The following SEMA3A variants were observed in gnomAD, a reference collection of about 807,000 sequenced individuals.
The protein encoded by SEMA3A is semaphorin-3A.
A neutral mutation model predicts 97.9 loss-of-function variants in SEMA3A; 29 were observed. That is an observed-to-expected ratio of 0.30 (90% CI 0.22 to 0.40). SEMA3A has a LOEUF of 0.40. Ranked by LOEUF, SEMA3A falls within the 10% of genes least tolerant of loss-of-function variation. SEMA3A has a pLI of 1.00. For missense variants in SEMA3A, 763 were observed against 951.3 expected, an observed-to-expected ratio of 0.80 and a Z score of 2.60; for synonymous variants, 321 against 323.7, an observed-to-expected ratio of 0.99 and a Z score of 0.09.
intron 11 of SEMA3A, among the ~76,000 whole-genome samples, chr7:84,002,340 TATA>T (rs1790493307): frequency 6.6e-6 from 1 of 152,166 alleles, no homozygotes; most frequent in African/African-American, 2.4e-5. Context: ...TTTTTTAAAA[TATA>T]ATAATTATTA....
intron 1 of SEMA3A, among the ~76,000 whole-genome samples, chr7:84,165,467 G>T (rs1379041323): frequency 6.6e-6 from 1 of 151,640 alleles, no homozygotes; most frequent in Non-Finnish European, 1.5e-5. Flanking sequence ...TGTTGGAAGA[G>T]AAAATCTTTT....
At chr7:84,483,466 T>C (rs1806495389) in intron 1 of SEMA3A, among the ~76,000 whole-genome samples, 1 of 152,206 alleles carries the variant, frequency 6.6e-6, no homozygotes, top group Admixed American at 6.5e-5. Flanking sequence ...TCTCTTGTTA[T>C]AAAAGATATC....
intron 1 of SEMA3A, among the ~76,000 whole-genome samples, chr7:84,408,655 A>G (rs1804174054): frequency 1.3e-5 from 2 of 152,062 alleles, no homozygotes; most frequent in African/African-American, 4.8e-5. Flanking sequence ...AATGTCCAAC[A>G]ATGATAGAGT....
At chr7:84,178,198 G>A (rs911473633) in intron 1 of SEMA3A, among the ~76,000 whole-genome samples, 12 of 151,922 alleles carry the variant, frequency 7.9e-5, no homozygotes, top group African/African-American at 1.5e-4. Flanking sequence ...TTGTTCCTTC[G>A]ATCCACAGCT....
intron 1 of SEMA3A, among the ~76,000 whole-genome samples, chr7:84,413,089 A>T (rs1804317088): frequency 1.3e-5 from 2 of 152,216 alleles, no homozygotes; most frequent in Admixed American, 1.3e-4. Context: ...TTTTCTATAC[A>T]TGCTTCTGGA....
chr7:84,339,256 T>C (rs1023259774), intron 2 of SEMA3A, among the ~76,000 whole-genome samples: 5 of 152,176 alleles, frequency 3.3e-5, no homozygotes, highest in Non-Finnish European at 7.4e-5. Flanking sequence ...TGGGGACTAA[T>C]AGAGGCACAA....
chr7:84,183,155 C>T (rs939988347), intron 1 of SEMA3A, among the ~76,000 whole-genome samples: 2 of 152,118 alleles, frequency 1.3e-5, no homozygotes, highest in Admixed American at 1.3e-4. Flanking sequence ...TCTATAACAG[C>T]TTCTGAGTGG....
chr7:84,484,158 AG>A (rs1806516650), intron 1 of SEMA3A, among the ~76,000 whole-genome samples: 1 of 152,152 alleles, frequency 6.6e-6, no homozygotes, highest in South Asian at 2.1e-4. Context: ...ATAATAATAT[AG>A]TACTAAAAAT....
At chr7:84,013,572 T>C (rs1300257344) in intron 7 of SEMA3A, among the ~76,000 whole-genome samples, 2 of 149,138 alleles carry the variant, frequency 1.3e-5, no homozygotes, top group African/African-American at 2.6e-5. Flanking sequence ...ACTTGCAAGG[T>C]AGGCCGGGTG....
intron 1 of SEMA3A, among the ~76,000 whole-genome samples, chr7:84,429,486 G>A (rs1397934322): frequency 8.5e-6 from 1 of 117,830 alleles, no homozygotes; most frequent in Non-Finnish European, 1.6e-5. Context: ...GTTAAATATT[G>A]ACTTTTGCAT....
chr7:84,131,416 C>T (rs903083981), intron 2 of SEMA3A, among the ~76,000 whole-genome samples: 1 of 152,004 alleles, frequency 6.6e-6, no homozygotes, highest in Non-Finnish European at 1.5e-5. Context: ...TGTACTTTTT[C>T]ATCCTTATGC....
chr7:84,099,723 C>T (rs1285909728), intron 4 of SEMA3A, among the ~76,000 whole-genome samples: 2 of 151,956 alleles, frequency 1.3e-5, no homozygotes, highest in Non-Finnish European at 2.9e-5. Context: ...TGAGATCTGG[C>T]TATTATTTAG....
intron 2 of SEMA3A, among the ~76,000 whole-genome samples, chr7:84,349,223 G>A (rs1180169407): frequency 6.6e-6 from 1 of 151,834 alleles, no homozygotes; most frequent in African/African-American, 2.4e-5. Context: ...TCGTCCCTTG[G>A]TAATACACCT....
chr7:84,046,781 A>C (rs1225179945), intron 5 of SEMA3A, among the ~76,000 whole-genome samples: 1 of 152,066 alleles, frequency 6.6e-6, no homozygotes, highest in African/African-American at 2.4e-5. Flanking sequence ...ACAAAATGGA[A>C]ACTACATTTA....
chr7:84,254,735 A>G (rs1799679002), intron 3 of SEMA3A, among the ~76,000 whole-genome samples: 1 of 152,202 alleles, frequency 6.6e-6, no homozygotes, highest in African/African-American at 2.4e-5. Context: ...CAGTCAAGAT[A>G]TGGAATTACC....
intron 13 of SEMA3A, among the ~76,000 whole-genome samples, chr7:83,982,002 T>G (rs1789433068): frequency 6.6e-6 from 1 of 152,070 alleles, no homozygotes; most frequent in African/African-American, 2.4e-5. Context: ...CCAAGAACTG[T>G]CTTACCCTTG....
intron 3 of SEMA3A, among the ~76,000 whole-genome samples, chr7:84,202,954 C>A (rs565462730): frequency 6.6e-6 from 1 of 152,032 alleles, no homozygotes; most frequent in African/African-American, 2.4e-5. Flanking sequence ...TTCATTAATT[C>A]CTGTGTTGTT....
intron 1 of SEMA3A, among the ~76,000 whole-genome samples, chr7:84,483,484 A>C (rs1336607358): frequency 2.0e-5 from 3 of 152,126 alleles, no homozygotes; most frequent in Non-Finnish European, 4.4e-5. Context: ...ATCATTTTTT[A>C]TAGAGAAGGA....
chr7:84,079,146 TG>T (rs1794060219), intron 4 of SEMA3A, among the ~76,000 whole-genome samples: 1 of 152,162 alleles, frequency 6.6e-6, no homozygotes, highest in African/African-American at 2.4e-5. Flanking sequence ...GCATTTAATT[TG>T]TTTTTTTAAC....
Sources: allele counts gnomAD v4.1 joint callset (sites outside exome capture counted in the v4.1 genomes callset), GRCh38; gene constraint gnomAD v4.1.1; transcripts MANE v1.5; gene names NCBI Gene and HGNC (gene_info 2026-07-23, HGNC 2026-07-21).